The following LPCAT2 variants were observed in gnomAD, a reference collection of about 807,000 sequenced individuals.
LPCAT2 encodes the protein 1-AGP acyltransferase 11.
Under a neutral mutation model 64.7 loss-of-function variants are expected in LPCAT2, and 58 were observed. The observed-to-expected ratio is 0.90, with a 90% CI of 0.73 to 1.12. LPCAT2 has a LOEUF of 1.12. Ranked by LOEUF, LPCAT2 falls within the 50% of genes most tolerant of loss-of-function variation. The pLI is 0.00. For missense variants in LPCAT2, 579 were observed against 669.8 expected (o/e 0.86, Z 1.50); for synonymous variants, 252 against 245.3 (o/e 1.03, Z -0.26).
rs368937436 is a variant in LPCAT2, at chr16:55,524,898, A to G, written c.172-610A>G. Among the ~76,000 whole-genome samples, 24 of 152,200 alleles carry G rather than the reference A, an allele frequency of 1.6e-4. No individual in the cohort carries two copies. The East Asian group carries it at 3.5e-3, about 22-fold the overall frequency. Reference sequence around the variant, plus strand: ...GGTTGTAAGAACTAAATAAGTTACTACACGCCAAGTGCTTAGAATGGCTGG... The same window carrying G: ...GGTTGTAAGAACTAAATAAGTTACTGCACGCCAAGTGCTTAGAATGGCTGG... On this transcript the variant is annotated intron_variant, in intron 1 of 13. Transcript: ENST00000262134.
chr16:55,567,160 C>T (rs754652916), intron 11 of LPCAT2: 9 of 1,613,696 alleles, frequency 5.6e-6, no homozygotes, highest in African/African-American at 4.0e-5. Flanking sequence ...GACAGTGACA[C>T]GACTGGTAAG....
Position 55,582,481 on chromosome 16 carries a change from A to G in LPCAT2, c.1451-433A>G, listed in dbSNP as rs146712905. On this transcript the variant is annotated intron_variant, in intron 13 of 13. Transcript: ENST00000262134. ...CATTATGGCTTTAAGATTAATCCAC[A>G]TTGTTTCTACATAGCTGTTTATTCA... 5.9e-5 allele frequency among the ~76,000 whole-genome samples: 9 copies of G among 152,234 alleles called. No individual in the cohort carries two copies. The East Asian group carries it at 1.7e-3, about 29-fold the overall frequency.
Position 55,555,377 on chromosome 16 carries a change from A to G in LPCAT2, c.1215+4275A>G, listed in dbSNP as rs17304312. 4.6e-4 allele frequency among the ~76,000 whole-genome samples: 70 copies of G among 152,156 alleles called. 1 individual carries two copies. In the South Asian group the frequency reaches 5.4e-3, roughly 12 times the overall value. ...GACTTTCCTCACCAATCCTCCTCTT[A>G]TGGTATTTTGTCCAGAGGTAGTTGC... On this transcript the variant is annotated intron_variant, in intron 11 of 13. Coordinates refer to ENST00000262134, the MANE Select transcript of LPCAT2 (RefSeq NM_017839.5).
intron 4 of LPCAT2, among the ~76,000 whole-genome samples, chr16:55,531,559 T>C (rs1336815745): frequency 6.6e-6 from 1 of 152,182 alleles, no homozygotes; most frequent in African/African-American, 2.4e-5. Flanking sequence ...AATTATTTGG[T>C]TAAGGATATA....
intron 6 of LPCAT2, 69 bp downstream of exon 6, chr16:55,532,951 T>C (rs1399508418): frequency 7.9e-7 from 1 of 1,268,784 alleles, no homozygotes; most frequent in East Asian, 2.4e-5. Flanking sequence ...TGGGACCCCT[T>C]TTAATATATA....
rs1240444693 is a variant in LPCAT2, at chr16:55,585,817, G to C, written c.*2719G>C. ...ACATCTGGTCTGCTCTCTGCATGAG[G>C]CACAGCAGTAAAGCTCTTTGATTCC... is the stretch of plus-strand genomic sequence containing the variant. On this transcript the variant is annotated 3_prime_UTR_variant, in exon 14 of 14. Coordinates refer to ENST00000262134, the MANE Select transcript of LPCAT2 (RefSeq NM_017839.5). 1 of 152,136 alleles carries C rather than the reference G, an allele frequency of 6.6e-6. No homozygotes were observed. Among genetic ancestry groups the C allele is most frequent in the Non-Finnish European group, 1.5e-5 (1 of 68,020 alleles). The allele number at this position is 152,136 out of a possible 1,614,324, so 9.4% of individuals were successfully genotyped here. A position where few individuals can be genotyped will look rare whatever the true frequency, so the allele number is the denominator to read the frequency against.
rs557977251 is a variant in LPCAT2 at position 55,550,568 on chromosome 16, T to C, written c.1062-381T>C. Among the ~76,000 whole-genome samples, 11 of 152,208 alleles carry C rather than the reference T, an allele frequency of 7.2e-5. No individual in the cohort carries two copies. The South Asian group carries it at 2.3e-3, about 32-fold the overall frequency. On this transcript the variant is annotated intron_variant, in intron 10 of 13. Coordinates refer to ENST00000262134, the MANE Select transcript of LPCAT2 (RefSeq NM_017839.5). Reference sequence around the variant, plus strand: ...TACAATGTTCTTCTTTTCATATACTTTTCTTTCCCTGAGATATTTGAGATA... The same window carrying C: ...TACAATGTTCTTCTTTTCATATACTCTTCTTTCCCTGAGATATTTGAGATA...
At chr16:55,575,436 T>C (rs1318223016) in intron 12 of LPCAT2, among the ~76,000 whole-genome samples, 1 of 152,206 alleles carries the variant, frequency 6.6e-6, no homozygotes, top group African/African-American at 2.4e-5. Flanking sequence ...TCAGTATGTT[T>C]AAATATGATA....
In LPCAT2 at chr16:55,532,891, A is replaced by G. The variant is rs1434568582; in HGVS notation, c.762+9A>G. ...GATACCCAAACAAGCTGGTAAGCAC[A>G]GTATTTTACCACAGGAAGAATTTCA... is the stretch of plus-strand genomic sequence containing the variant. On this transcript the variant is annotated intron_variant, in intron 6 of 13. Transcript: ENST00000262134. 8 of 1,609,300 alleles carry G rather than the reference A, an allele frequency of 5.0e-6. No homozygotes were observed. Among genetic ancestry groups the G allele is most frequent in the Non-Finnish European group, 4.3e-6 (5 of 1,176,412 alleles).
At chr16:55,578,312 C>A (rs1963850874) in intron 12 of LPCAT2, among the ~76,000 whole-genome samples, 2 of 152,146 alleles carry the variant, frequency 1.3e-5, no homozygotes, top group South Asian at 2.1e-4. Context: ...TTACTCCTGG[C>A]ACCTCTGATT....
At chr16:55,528,802 T>C (rs545033805) in intron 3 of LPCAT2, among the ~76,000 whole-genome samples, 1 of 152,322 alleles carries the variant, frequency 6.6e-6, no homozygotes, top group Non-Finnish European at 1.5e-5. Context: ...TCATAACTCT[T>C]TAAAACTTTT....
chr16:55,551,075 G>C lies in LPCAT2; in HGVS notation c.1188G>C (p.Leu396Phe). The change falls in exon 11 of 14, where the codon TTG (leucine) becomes TTC (phenylalanine). Residue 396 changes from leucine to phenylalanine, a missense_variant. By Grantham distance (22) the Leu-to-Phe change is conservative. Transcript: ENST00000262134. The part of the protein sequence containing the change: ...KYLKLPVSDV[L>F]RQLFALFDRN... The stretch of plus-strand genomic sequence containing the variant: ...TAAAGTTGCCTGTTTCAGATGTCTT[G>C]AGACAACTTTTTGCACTCTTTGACA... The C allele has an allele frequency of 6.2e-7, 1 of 1,612,494 alleles. No homozygotes were observed. The highest frequency in any genetic ancestry group is 8.5e-7 in the Non-Finnish European group (1 of 1,179,134).
chr16:55,575,559 G>T (rs909010610), intron 12 of LPCAT2, among the ~76,000 whole-genome samples: 3 of 152,104 alleles, frequency 2.0e-5, no homozygotes, highest in Non-Finnish European at 4.4e-5. Flanking sequence ...CTTTTGTCCA[G>T]CAAGAGAGCT....
At chr16:55,538,686 A>C in intron 8 of LPCAT2, 1 of 149,414 alleles carries the variant, frequency 6.7e-6, no homozygotes, top group South Asian at 2.2e-4. Context: ...GGCCAAAAAA[A>C]AAAAAAAAAA....
intron 1 of LPCAT2, among the ~76,000 whole-genome samples, chr16:55,520,091 C>G (rs1016910171): frequency 1.3e-5 from 2 of 152,098 alleles, no homozygotes; most frequent in Admixed American, 1.3e-4. Flanking sequence ...AACATTCTAA[C>G]TTAAAGGCAA....
At chr16:55,527,955 C>G (rs1198525208) in intron 2 of LPCAT2, among the ~76,000 whole-genome samples, 1 of 152,146 alleles carries the variant, frequency 6.6e-6, no homozygotes, top group Non-Finnish European at 1.5e-5. Flanking sequence ...CCAAGATAAC[C>G]ACTTTGAAGG....
intron 11 of LPCAT2, among the ~76,000 whole-genome samples, chr16:55,563,691 A>G (rs1264579168): frequency 6.6e-6 from 1 of 151,860 alleles, no homozygotes; most frequent in Non-Finnish European, 1.5e-5. Flanking sequence ...AACTAGAAGG[A>G]AAGTGCCCCA....
intron 9 of LPCAT2, among the ~76,000 whole-genome samples, chr16:55,546,524 A>G (rs555121713): frequency 1.3e-5 from 2 of 152,288 alleles, no homozygotes; most frequent in East Asian, 1.9e-4. Flanking sequence ...ATTCAATGAG[A>G]ACTCTGAATT....
intron 1 of LPCAT2, among the ~76,000 whole-genome samples, chr16:55,514,381 C>A (rs1327521266): frequency 1.3e-5 from 2 of 152,078 alleles, no homozygotes; most frequent in Non-Finnish European, 2.9e-5. Context: ...ATGATGTACC[C>A]CAACATGTAC....
Sources: allele counts gnomAD v4.1 joint callset (sites outside exome capture counted in the v4.1 genomes callset), GRCh38; gene constraint gnomAD v4.1.1; transcripts MANE v1.5; gene names NCBI Gene and HGNC (gene_info 2026-07-23, HGNC 2026-07-21).